The following LAMC3 variants were observed in gnomAD, a reference collection of about 807,000 sequenced individuals.
The protein encoded by LAMC3 is laminin subunit gamma 3.
A neutral mutation model predicts 173.8 loss-of-function variants in LAMC3; 128 were observed. The ratio of observed to expected loss-of-function variants is 0.74; its 90% CI spans 0.64 to 0.85. The LOEUF is 0.85. LAMC3 is among the 40% of genes least tolerant of loss of function. The probability of loss-of-function intolerance (pLI) is 0.00; values close to 1 mark genes in which losing one functional copy is unlikely to be tolerated. For synonymous variants in LAMC3, 897 were observed against 909.1 expected (o/e 0.99, Z 0.24); for missense variants, 2,022 against 2,156.0 (o/e 0.94, Z 1.23).
Position 131,048,047 on chromosome 9 carries a change from AT to A in LAMC3, c.1520-946del, listed in dbSNP as rs59291636. On this transcript the variant is annotated intron_variant, in intron 8 of 27. Transcript: ENST00000361069. Reference sequence around the variant, plus strand: ...AGGTGTGAGCCACCACACCCAGCTGATTTTTTTTTTTTTTTTTTTTTTTTTT... The same window carrying A: ...AGGTGTGAGCCACCACACCCAGCTGATTTTTTTTTTTTTTTTTTTTTTTTT... Among the ~76,000 whole-genome samples, 111 of 53,386 alleles carry A rather than the reference AT, an allele frequency of 2.1e-3. 1 individual carries two copies. Among genetic ancestry groups the A allele is most frequent in the African/African-American group, 8.3e-3 (92 of 11,092 alleles). The allele number at this position is 53,386 out of a possible 152,430, so 35.0% of individuals were successfully genotyped here. A position where few individuals can be genotyped will look rare whatever the true frequency, so the allele number is the denominator to read the frequency against.
chr9:131,069,067 C>A lies in LAMC3; in HGVS notation c.2890+17C>A. ...GCTGCCGGGGTAAGGAGGCTGGGTC[C>A]TTCCCGGGCTGCCCTGAGGGTGGGG... On this transcript the variant is annotated intron_variant, in intron 16 of 27. Coordinates refer to ENST00000361069, the MANE Select transcript of LAMC3 (RefSeq NM_006059.4). 1 of 1,612,840 alleles carries A rather than the reference C, an allele frequency of 6.2e-7. No homozygotes were observed.
At chr9:131,087,442 C>A (rs1192601123) in intron 25 of LAMC3, 34 bp from the exon 26 acceptor site, 2 of 1,613,150 alleles carry the variant, frequency 1.2e-6, no homozygotes, top group Non-Finnish European at 1.7e-6. Context: ...GCTGCACTCA[C>A]TTCTTCTCCC....
chr9:131,069,663 C>T lies in LAMC3; in HGVS notation c.2891-9C>T, dbSNP rs1830004342. The T allele has an allele frequency of 2.5e-6, 4 of 1,598,096 alleles. No homozygotes were observed. The East Asian group carries it at 9.0e-5, about 36-fold the overall frequency. ...TAAACCCAGCACGCACTGCCCCTGGCCCCTCTAGCCTGCAGGTGCTCCCCA... is the reference window on the plus strand; with the variant it reads ...TAAACCCAGCACGCACTGCCCCTGGTCCCTCTAGCCTGCAGGTGCTCCCCA... On this transcript the variant is annotated splice_polypyrimidine_tract_variant and intron_variant, in intron 16 of 27. Transcript: ENST00000361069.
At chr9:131,076,198 A>C (rs1830123021) in intron 21 of LAMC3, among the ~76,000 whole-genome samples, 1 of 152,128 alleles carries the variant, frequency 6.6e-6, no homozygotes, top group African/African-American at 2.4e-5. Flanking sequence ...AGCCTCTTCA[A>C]GAGAAGAGAC....
chr9:131,086,848 C>CA (rs1830340773), intron 25 of LAMC3, among the ~76,000 whole-genome samples: 1 of 151,168 alleles, frequency 6.6e-6, no homozygotes, highest in African/African-American at 2.4e-5. Context: ...CAAACTGCAC[C>CA]ACTGCACTCC....
intron 13 of LAMC3, among the ~76,000 whole-genome samples, chr9:131,066,229 G>A (rs562574811): frequency 1.0e-3 from 159 of 151,850 alleles, no homozygotes; most frequent in African/African-American, 3.6e-3. Flanking sequence ...GGTGGCTCAC[G>A]CCTGTAATTC....
At chr9:131,047,661 G>C (rs937123194) in intron 8 of LAMC3, among the ~76,000 whole-genome samples, 5 of 150,962 alleles carry the variant, frequency 3.3e-5, no homozygotes, top group African/African-American at 1.2e-4. Flanking sequence ...TCAAGAGTTC[G>C]AGACCAGCCT....
chr9:131,055,654 T>A (rs961743551), intron 11 of LAMC3, among the ~76,000 whole-genome samples: 2 of 151,524 alleles, frequency 1.3e-5, no homozygotes, highest in African/African-American at 2.4e-5. Flanking sequence ...CTCGATTTCC[T>A]GACCTTATGA....
At chr9:131,022,215 A>AACACAC (rs56948132) in intron 1 of LAMC3, among the ~76,000 whole-genome samples, 3,267 of 144,722 alleles carry the variant, frequency 0.023, 130 homozygotes, top group African/African-American at 0.078. Flanking sequence ...TGTGGATGAA[A>AACACAC]ACACACACAC....
At chr9:131,078,926 C>T (rs576578681) in intron 22 of LAMC3, among the ~76,000 whole-genome samples, 5 of 152,368 alleles carry the variant, frequency 3.3e-5, no homozygotes, top group African/African-American at 1.2e-4. Flanking sequence ...CCTCTGCCTC[C>T]AGGGGTCCAC....
intron 9 of LAMC3, among the ~76,000 whole-genome samples, chr9:131,049,732 A>G (rs2133275761): frequency 6.6e-6 from 1 of 152,316 alleles, no homozygotes; most frequent in South Asian, 2.1e-4. Context: ...GTCATGGCCC[A>G]GAGAATCTGT....
chr9:131,055,423 C>CTTTT lies in LAMC3; in HGVS notation c.1940-1490_1940-1487dup, dbSNP rs56220728. Reference sequence around the variant, plus strand: ...ATCCACACTCTTTTTTCTTTTCTTTCTTTTTTTTTTTTTTTTTTTGAGACG... The same window carrying CTTTT: ...ATCCACACTCTTTTTTCTTTTCTTTCTTTTTTTTTTTTTTTTTTTTTTTGAGACG... On this transcript the variant is annotated intron_variant, in intron 11 of 27. Transcript: ENST00000361069. Among the ~76,000 whole-genome samples, 115 of 109,206 alleles carry CTTTT rather than the reference C, an allele frequency of 1.1e-3. 2 individuals are homozygous for CTTTT. The highest frequency in any genetic ancestry group is 1.7e-3 in the African/African-American group (48 of 28,334). The allele number at this position is 109,206 out of a possible 152,430, so 71.6% of individuals were successfully genotyped here. A position where few individuals can be genotyped will look rare whatever the true frequency, so the allele number is the denominator to read the frequency against.
In LAMC3 at chr9:131,071,520, G is replaced by C. The variant is rs375429576; in HGVS notation, c.3106G>C (p.Gly1036Arg). Residue 1036 changes from glycine to arginine, a missense_variant, in exon 18 of 28, where the codon GGG becomes CGG. Physicochemically the swap from Gly to Arg is moderately radical, Grantham distance 125. Coordinates refer to ENST00000361069, the MANE Select transcript of LAMC3 (RefSeq NM_006059.4). ...KLKARLTLTE[G>R]WLQGSDCGSP... ...GAAGGCCAGACTGACTTTGACGGAG[G>C]GGTGGCTCCAAGGGTCCGACTGTGG... 4.3e-6 allele frequency: 7 copies of C among 1,613,780 alleles called. No individual in the cohort carries two copies. In the Admixed American group the frequency reaches 5.0e-5, roughly 12 times the overall value.
In LAMC3 at chr9:131,039,150, C is replaced by T. The variant is rs186634083; in HGVS notation, c.1185C>T (p.Cys395=). 1.3e-4 allele frequency: 212 copies of T among 1,611,324 alleles called. No homozygotes were observed. In the East Asian group the frequency reaches 2.3e-3, roughly 17 times the overall value. The stretch of plus-strand genomic sequence containing the variant: ...TCCCAGGCTCCCTACACCTCCAGTG[C>T]GATGACACAGGCACCTGCGCCTGCA... ...CQSAGSLHLQ[C]DDTGTCACKP... The change falls in exon 6 of 28, where the codon TGC becomes TGT. Residue 395 remains cysteine, a synonymous_variant. Transcript: ENST00000361069.
chr9:131,054,440 A>AT (rs996344792), intron 11 of LAMC3, among the ~76,000 whole-genome samples: 5 of 152,200 alleles, frequency 3.3e-5, no homozygotes, highest in Admixed American at 1.3e-4. Flanking sequence ...TAACATCTGT[A>AT]TTTTTTTAAA....
intron 13 of LAMC3, among the ~76,000 whole-genome samples, chr9:131,063,912 CT>C (rs930411670): frequency 5.3e-5 from 8 of 151,976 alleles, no homozygotes; most frequent in Admixed American, 2.6e-4. Flanking sequence ...GCACTATTAA[CT>C]TTTTTTTCTC....
chr9:131,041,765 C>A (rs1271213937), intron 7 of LAMC3, 30 bp downstream of exon 7: 1 of 1,589,142 alleles, frequency 6.3e-7, no homozygotes, highest in Non-Finnish European at 8.6e-7. Context: ...AGTAAGCTTG[C>A]TGGAAGTGAC....
chr9:131,070,146 A>G (rs534647391), intron 17 of LAMC3, among the ~76,000 whole-genome samples: 25 of 152,346 alleles, frequency 1.6e-4, no homozygotes, highest in South Asian at 6.2e-4. Context: ...GGATGAGACC[A>G]CAGATGACCC....
At chr9:131,019,279 A>T (rs144080487) in intron 1 of LAMC3, among the ~76,000 whole-genome samples, 1 of 152,208 alleles carries the variant, frequency 6.6e-6, no homozygotes, top group East Asian at 1.9e-4. Flanking sequence ...ACAAACAAAC[A>T]AACAAAAACA....
Sources: gnomAD v4.1 joint callset for allele counts (sites outside exome capture counted in the v4.1 genomes callset) on GRCh38, gnomAD v4.1.1 for gene constraint, MANE v1.5 for transcripts, NCBI Gene and HGNC (gene_info 2026-07-23, HGNC 2026-07-21) for gene names.